CASD1: variants seen among roughly 807,000 people sequenced by gnomAD.
The protein encoded by CASD1 is CAS1 domain sialic acid O acetyltransferase 1, also known as N-acetylneuraminate (7)9-O-acetyltransferase.
CASD1 carries 41 observed loss-of-function variants against 100.0 expected under a neutral mutation model. The observed-to-expected ratio is 0.41, with a 90% CI of 0.32 to 0.53. CASD1 has a LOEUF of 0.53. Among genes scored for constraint, CASD1 ranks in the 20% least tolerant of loss-of-function variants. CASD1 has a pLI of 0.25. For missense variants in CASD1, 774 were observed against 948.7 expected (o/e 0.82, Z 2.42); for synonymous variants, 321 against 315.6 (o/e 1.02, Z -0.18).
the CASD1 span, among the ~76,000 whole-genome samples, chr7:94,578,075 T>A: frequency 6.6e-6 from 1 of 152,158 alleles, no homozygotes; most frequent in Non-Finnish European, 1.5e-5. Flanking sequence ...TCTACTGTTT[T>A]TCCTGAATAA....
intron 3 of CASD1, among the ~76,000 whole-genome samples, chr7:94,520,827 C>T (rs191260765): frequency 5.6e-4 from 85 of 152,062 alleles, no homozygotes; most frequent in African/African-American, 1.8e-3. Context: ...TGTGGTGGCT[C>T]GTGCCTGTAA....
chr7:94,620,267 CAG>C, the CASD1 span: 6 of 152,018 alleles, frequency 3.9e-5, no homozygotes, highest in Non-Finnish European at 1.5e-5. Flanking sequence ...GAATTTTCAA[CAG>C]AGTTTTCTAG....
At position 94,518,082 on chromosome 7, in the gene CASD1, A is replaced by T. The variant is rs1428847173; in HGVS notation, c.231-121A>T. 3 of 970,888 alleles carry T rather than the reference A, an allele frequency of 3.1e-6. No individual in the cohort carries two copies. The East Asian group carries it at 8.0e-5, about 26-fold the overall frequency. 60.1% of individuals were successfully genotyped at this position (970,888 alleles called of 1,614,324 possible). A position where few individuals can be genotyped will look rare whatever the true frequency, so the allele number is the denominator to read the frequency against. On this transcript the variant is annotated intron_variant, in intron 2 of 17. Coordinates refer to ENST00000297273, the MANE Select transcript of CASD1 (RefSeq NM_022900.5). ...GTTAAACAAACCTGGCCACCTGCTT[A>T]TAAAGCAATATAATGGTATGTGTAA... is the stretch of plus-strand genomic sequence containing the variant.
the CASD1 span, among the ~76,000 whole-genome samples, chr7:94,593,567 A>G: frequency 4.6e-5 from 7 of 152,002 alleles, no homozygotes; most frequent in African/African-American, 1.7e-4. Context: ...CCCCAAGCAT[A>G]AGACTACAAA....
At chr7:94,583,854 T>TAA in the CASD1 span, among the ~76,000 whole-genome samples, 1 of 152,022 alleles carries the variant, frequency 6.6e-6, no homozygotes, top group Non-Finnish European at 1.5e-5. Context: ...CTCACTTTGT[T>TAA]AAAACAAAAC....
chr7:94,526,630 A>T (rs536081942), intron 3 of CASD1, among the ~76,000 whole-genome samples: 1 of 152,082 alleles, frequency 6.6e-6, no homozygotes, highest in Admixed American at 6.5e-5. Context: ...GCTACAAAAA[A>T]TTTTTTTAAA....
chr7:94,627,787 A>G, the CASD1 span: 19 of 171,812 alleles, frequency 1.1e-4, no homozygotes, highest in South Asian at 2.5e-3. Flanking sequence ...ATTATTTATC[A>G]TTCTATCCCT....
chr7:94,612,744 T>C, the CASD1 span, among the ~76,000 whole-genome samples: 1 of 152,162 alleles, frequency 6.6e-6, no homozygotes, highest in African/African-American at 2.4e-5. Context: ...TTCAACTTAA[T>C]ATGTTCCAAA....
chr7:94,564,077 A>G, the CASD1 span, among the ~76,000 whole-genome samples: 2 of 151,920 alleles, frequency 1.3e-5, no homozygotes, highest in Non-Finnish European at 2.9e-5. Context: ...ATTTTATGAC[A>G]CAGCAAAAGA....
At chr7:94,577,345 A>C in the CASD1 span, among the ~76,000 whole-genome samples, 1 of 152,182 alleles carries the variant, frequency 6.6e-6, no homozygotes, top group Non-Finnish European at 1.5e-5. Flanking sequence ...TAATCCTTTA[A>C]AGTCCATATT....
chr7:94,593,988 G>T, the CASD1 span, among the ~76,000 whole-genome samples: 1 of 152,016 alleles, frequency 6.6e-6, no homozygotes, highest in African/African-American at 2.4e-5. Context: ...CATACTCAGA[G>T]CCCCAGAATG....
the CASD1 span, chr7:94,623,635 ACT>A: frequency 4.0e-6 from 2 of 495,724 alleles, no homozygotes; most frequent in African/African-American, 4.0e-5. Flanking sequence ...AATCAGAAAG[ACT>A]CTTTCATAGA....
the CASD1 span, chr7:94,618,593 C>T: frequency 4.9e-6 from 3 of 611,732 alleles, no homozygotes; most frequent in African/African-American, 3.7e-5. Flanking sequence ...ACTAACACAA[C>T]ATCTTTGCCA....
At chr7:94,552,973 C>T (rs1018276156) in intron 16 of CASD1, among the ~76,000 whole-genome samples, 28 of 152,068 alleles carry the variant, frequency 1.8e-4, no homozygotes, top group African/African-American at 6.8e-4. Context: ...ATACTACATG[C>T]TAGATATTAT....
chr7:94,576,759 A>G, the CASD1 span, among the ~76,000 whole-genome samples: 9 of 152,212 alleles, frequency 5.9e-5, no homozygotes, highest in Non-Finnish European at 1.3e-4. Flanking sequence ...GTTACTTGGA[A>G]GTTTGAACTT....
chr7:94,587,702 G>A, the CASD1 span: 2 of 1,532,320 alleles, frequency 1.3e-6, no homozygotes, highest in Non-Finnish European at 1.8e-6. Flanking sequence ...ATTAAAGCAA[G>A]TAATCAAAAT....
chr7:94,535,466 A>G lies in CASD1; in HGVS notation c.786A>G (p.Gln262=). The stretch of plus-strand genomic sequence containing the variant: ...TCAGTGTTTCCAAATTAATTGCTCA[A>G]GAAACCATCATGGAATCTTTGGATG... The part of the protein sequence containing the change: ...KMFSVSKLIA[Q]ETIMESLDGL... Residue 262 remains glutamine (Q), a synonymous_variant, in exon 8 of 18, where the codon CAA becomes CAG. Transcript: ENST00000297273. 1.2e-6 allele frequency: 2 copies of G among 1,613,796 alleles called. No individual in the cohort carries two copies. The highest frequency in any genetic ancestry group is 1.7e-6 in the Non-Finnish European group (2 of 1,179,836).
intron 13 of CASD1, 31 bp downstream of exon 13, chr7:94,547,206 T>A: frequency 6.9e-7 from 1 of 1,459,418 alleles, no homozygotes; most frequent in Non-Finnish European, 9.3e-7. Context: ...TTATATTTTT[T>A]CATATTTTAT....
At chr7:94,570,858 A>G in the CASD1 span, among the ~76,000 whole-genome samples, 1 of 152,160 alleles carries the variant, frequency 6.6e-6, no homozygotes, top group Non-Finnish European at 1.5e-5. Context: ...TTACAATAGT[A>G]TCAGCTTTTT....
Sources: gnomAD v4.1 joint callset for allele counts (sites outside exome capture counted in the v4.1 genomes callset) on GRCh38, gnomAD v4.1.1 for gene constraint, MANE v1.5 for transcripts, NCBI Gene and HGNC (gene_info 2026-07-23, HGNC 2026-07-21) for gene names.